Variants in PCDHA13 observed in about 807,000 individuals in gnomAD.
The protein encoded by PCDHA13 is protocadherin alpha 13.
PCDHA13 carries 54 observed loss-of-function variants against 64.8 expected under a neutral mutation model. The observed-to-expected ratio is 0.83, with a 90% confidence interval of 0.67 to 1.04. The LOEUF (loss-of-function observed/expected upper bound fraction) is 1.04. Among genes scored for constraint, PCDHA13 ranks in the 50% least tolerant of loss-of-function variants. The probability of loss-of-function intolerance (pLI) is 0.00; values close to 1 mark genes in which losing one functional copy is unlikely to be tolerated. For missense variants in PCDHA13, 1,248 were observed against 1,254.3 expected, an observed-to-expected ratio of 0.99 and a Z score of 0.08; for synonymous variants, 587 against 564.4, an observed-to-expected ratio of 1.04 and a Z score of -0.57.
chr5:140,920,039 G>A (rs185914290), intron 1 of PCDHA13, among the ~76,000 whole-genome samples: 1 of 152,280 alleles, frequency 6.6e-6, no homozygotes, highest in Non-Finnish European at 1.5e-5. Flanking sequence ...TTGGAGTGAT[G>A]TCAACAGCCA....
At chr5:140,927,669 T>G in intron 1 of PCDHA13, 1 of 1,614,106 alleles carries the variant, frequency 6.2e-7, no homozygotes. Context: ...AAGCCTTGGA[T>G]CCAGATGAAG....
intron 1 of PCDHA13, among the ~76,000 whole-genome samples, chr5:140,924,892 C>A: frequency 1.2e-5 from 1 of 82,680 alleles, no homozygotes; most frequent in Admixed American, 1.2e-4. Context: ...AAGAACCTGT[C>A]TCAAAAAAAA....
chr5:140,941,211 CTTCCTTTCTTTCTTTCTTTCTTT>C (rs2092859339), intron 1 of PCDHA13, among the ~76,000 whole-genome samples: 20 of 129,726 alleles, frequency 1.5e-4, no homozygotes, highest in Admixed American at 7.8e-4. Flanking sequence ...TCCTTTCTTT[CTTCCTTTCTTTCTTTCTTTCTTT>C]CTTTCTTTCT....
At chr5:140,998,720 A>G (rs1554256437) in intron 3 of PCDHA13, among the ~76,000 whole-genome samples, 1 of 152,092 alleles carries the variant, frequency 6.6e-6, no homozygotes, top group African/African-American at 2.4e-5. Context: ...TTGCACCACC[A>G]CGCTAGGCTA....
chr5:140,883,957 G>T lies in PCDHA13; in HGVS notation c.1689G>T (p.Pro563=), dbSNP rs879988838. The T allele has an allele frequency of 6.2e-7, 1 of 1,613,246 alleles. No homozygotes were observed. The highest frequency in any genetic ancestry group is 8.5e-7 in the Non-Finnish European group (1 of 1,179,802). The change falls in exon 1 of 4, where the codon CCG becomes CCT. Residue 563 remains proline, a synonymous_variant. Transcript: ENST00000289272. ...VFVLDENDNA[P]ALLTPGAGSA... is the part of the protein sequence containing the mutation. ...TGCTGGACGAGAACGACAACGCTCC[G>T]GCGCTGCTGACGCCCGGGGCTGGCA... is the stretch of plus-strand genomic sequence containing the variant.
Position 140,883,237 on chromosome 5 carries a change from T to C in PCDHA13, c.969T>C (p.Val323=). The change falls in exon 1 of 4, where the codon GTT becomes GTC. Residue 323 remains valine, a synonymous_variant. Transcript: ENST00000289272. ...TATATGAAATATCCGTGGAGGCAGTTGACAAAGGAAATATTCCAATGGCGG... is the reference window on the plus strand; with the variant it reads ...TATATGAAATATCCGTGGAGGCAGTCGACAAAGGAAATATTCCAATGGCGG... The part of the protein sequence containing the change: ...KKLYEISVEA[V]DKGNIPMAGH... 1.2e-6 allele frequency: 2 copies of C among 1,614,044 alleles called. No homozygotes were observed. The highest frequency in any genetic ancestry group is 1.7e-6 in the Non-Finnish European group (2 of 1,180,010).
At chr5:140,950,112 A>G (rs1263517017) in intron 1 of PCDHA13, among the ~76,000 whole-genome samples, 3 of 151,944 alleles carry the variant, frequency 2.0e-5, no homozygotes, top group Non-Finnish European at 4.4e-5. Context: ...ATCTCATACA[A>G]TACAAAACCC....
intron 3 of PCDHA13, among the ~76,000 whole-genome samples, chr5:140,999,483 T>G (rs1316785085): frequency 3.3e-5 from 5 of 152,152 alleles, no homozygotes; most frequent in Admixed American, 2.6e-4. Flanking sequence ...CCAACTCAAG[T>G]CTATGTTACC....
At chr5:140,913,160 G>A (rs1437493261) in intron 1 of PCDHA13, among the ~76,000 whole-genome samples, 2 of 152,274 alleles carry the variant, frequency 1.3e-5, no homozygotes, top group East Asian at 3.9e-4. Flanking sequence ...AGTAGGATTG[G>A]TATTAGTTCT....
chr5:140,923,305 G>A (rs552769255), intron 1 of PCDHA13, among the ~76,000 whole-genome samples: 3 of 152,304 alleles, frequency 2.0e-5, no homozygotes, highest in South Asian at 2.1e-4. Context: ...GGGCGTGGGG[G>A]CGCTTGGCCT....
At chr5:140,885,064 A>T (rs2060452937) in intron 1 of PCDHA13, among the ~76,000 whole-genome samples, 1 of 152,162 alleles carries the variant, frequency 6.6e-6, no homozygotes, top group Non-Finnish European at 1.5e-5. Context: ...TACCCACAAG[A>T]TATTATTTTA....
chr5:140,993,460 TCTCA>T (rs200310897), intron 3 of PCDHA13, among the ~76,000 whole-genome samples: 2,027 of 104,544 alleles, frequency 0.019, 23 homozygotes, highest in Admixed American at 0.035. Flanking sequence ...CTTCTTTCTT[TCTCA>T]CACACACACA....
intron 1 of PCDHA13, among the ~76,000 whole-genome samples, chr5:140,937,011 G>A (rs567332621): frequency 9.2e-5 from 14 of 151,352 alleles, no homozygotes; most frequent in Non-Finnish European, 1.8e-4. Flanking sequence ...ACAGACAACC[G>A]ATTAACAAGG....
At chr5:140,986,938 G>A (rs1025641797) in intron 3 of PCDHA13, among the ~76,000 whole-genome samples, 1 of 152,158 alleles carries the variant, frequency 6.6e-6, no homozygotes, top group African/African-American at 2.4e-5. Flanking sequence ...TGGAGGCTGG[G>A]TGTGGTCGCT....
At chr5:140,997,291 G>C (rs2097766119) in intron 3 of PCDHA13, among the ~76,000 whole-genome samples, 1 of 152,030 alleles carries the variant, frequency 6.6e-6, no homozygotes, top group African/African-American at 2.4e-5. Flanking sequence ...TTAACAATGG[G>C]GATACACTGA....
chr5:140,958,116 T>G (rs2095410051), intron 1 of PCDHA13, among the ~76,000 whole-genome samples: 1 of 152,060 alleles, frequency 6.6e-6, no homozygotes, highest in African/African-American at 2.4e-5. Context: ...TGGTTCCATT[T>G]TGTAAAATGT....
chr5:140,938,908 C>A (rs1213664574), intron 1 of PCDHA13, among the ~76,000 whole-genome samples: 1 of 152,074 alleles, frequency 6.6e-6, no homozygotes, highest in Non-Finnish European at 1.5e-5. Flanking sequence ...CACACACACA[C>A]ACGCACAAGA....
intron 3 of PCDHA13, among the ~76,000 whole-genome samples, chr5:140,989,980 C>T (rs1172154204): frequency 6.6e-6 from 1 of 152,012 alleles, no homozygotes; most frequent in South Asian, 2.1e-4. Context: ...AGCAACAGCC[C>T]TGCCTGAAAT....
At chr5:140,938,204 C>T (rs2091973590) in intron 1 of PCDHA13, among the ~76,000 whole-genome samples, 1 of 152,136 alleles carries the variant, frequency 6.6e-6, no homozygotes, top group East Asian at 1.9e-4. Flanking sequence ...CGCCAGCCTC[C>T]CAAAGTGCTG....
Sources: allele counts gnomAD v4.1 joint callset (sites outside exome capture counted in the v4.1 genomes callset), GRCh38; gene constraint gnomAD v4.1.1; transcripts MANE v1.5; gene names NCBI Gene and HGNC (gene_info 2026-07-23, HGNC 2026-07-21).